NAV2: variants seen among roughly 807,000 people sequenced by gnomAD.
The protein encoded by NAV2 is neuron navigator 2.
NAV2 carries 54 observed loss-of-function variants against 223.2 expected under a neutral mutation model. The ratio of observed to expected loss-of-function variants is 0.24; its 90% CI spans 0.19 to 0.30. The LOEUF is 0.30. NAV2 is among the 10% of genes least tolerant of loss of function. NAV2 has a pLI of 1.00. For missense variants in NAV2, 2,806 were observed against 3,147.5 expected, an observed-to-expected ratio of 0.89 and a Z score of 2.60; for synonymous variants, 1,279 against 1,239.3, an observed-to-expected ratio of 1.03 and a Z score of -0.67.
At chr11:19,781,568 G>A (rs753796376) in intron 1 of NAV2, among the ~76,000 whole-genome samples, 28 of 152,008 alleles carry the variant, frequency 1.8e-4, no homozygotes, top group Non-Finnish European at 3.7e-4. Flanking sequence ...CCCCAGAGAG[G>A]CATTGGTCAA....
intron 6 of NAV2, among the ~76,000 whole-genome samples, chr11:19,931,367 T>C (rs2045319511): frequency 6.6e-6 from 1 of 152,156 alleles, no homozygotes; most frequent in Admixed American, 6.5e-5. Context: ...TATATGTGTT[T>C]TAAAACATTG....
chr11:20,114,423 C>T lies in NAV2; in HGVS notation c.6961-169C>T, dbSNP rs16905675. Reference sequence around the variant, plus strand: ...CATGCTGCCTTCAGCCTTAGCACCTCGAACTGTCTGCATCTTGGATGACTT... The same window carrying T: ...CATGCTGCCTTCAGCCTTAGCACCTTGAACTGTCTGCATCTTGGATGACTT... On this transcript the variant is annotated intron_variant, in intron 36 of 37. Transcript: ENST00000349880. The T allele has an allele frequency of 5.5e-3, 3,572 of 647,296 alleles. 87 individuals carry two copies. The African/African-American group carries it at 0.059, about 11-fold the overall frequency. The allele number at this position is 647,296 out of a possible 1,614,324, so 40.1% of individuals were successfully genotyped here.
chr11:19,734,521 C>T (rs1052572244), intron 1 of NAV2, among the ~76,000 whole-genome samples: 3 of 152,214 alleles, frequency 2.0e-5, no homozygotes, highest in Non-Finnish European at 4.4e-5. Context: ...TTCCTATTCA[C>T]CCTCAATCTG....
intron 4 of NAV2, 128 bp downstream of exon 4, chr11:19,869,125 A>G (rs1483068404): frequency 1.1e-6 from 1 of 887,652 alleles, no homozygotes; most frequent in Admixed American, 2.3e-5. Context: ...GTTTTCCTTT[A>G]TGTTGCTCAG....
intron 6 of NAV2, among the ~76,000 whole-genome samples, chr11:19,895,104 CTT>C (rs71050690): frequency 0.014 from 1,385 of 99,152 alleles, 7 homozygotes; most frequent in African/African-American, 0.053. Flanking sequence ...CTTTTTCTTT[CTT>C]TTTTTTTTTT....
intron 1 of NAV2, among the ~76,000 whole-genome samples, chr11:19,561,842 G>A (rs1003882668): frequency 1.3e-5 from 2 of 152,188 alleles, no homozygotes; most frequent in African/African-American, 2.4e-5. Flanking sequence ...GCTCAGTTAC[G>A]GTTGCCACTG....
At chr11:19,432,843 C>G (rs146548340) in intron 1 of NAV2, among the ~76,000 whole-genome samples, 6 of 152,284 alleles carry the variant, frequency 3.9e-5, no homozygotes, top group Admixed American at 6.5e-5. Context: ...TAACTCTTAC[C>G]GCAGCTGAGG....
At chr11:19,573,271 C>T (rs1365453793) in intron 1 of NAV2, among the ~76,000 whole-genome samples, 2 of 152,204 alleles carry the variant, frequency 1.3e-5, no homozygotes, top group South Asian at 2.1e-4. Flanking sequence ...CCTGCCCCTA[C>T]ACTTCATACC....
At chr11:19,767,312 C>A (rs2055313704) in intron 1 of NAV2, among the ~76,000 whole-genome samples, 1 of 152,180 alleles carries the variant, frequency 6.6e-6, no homozygotes, top group African/African-American at 2.4e-5. Context: ...TGTCAAACTT[C>A]ATCACAGCCC....
chr11:19,847,522 C>T (rs144450320), intron 3 of NAV2, among the ~76,000 whole-genome samples: 46 of 152,296 alleles, frequency 3.0e-4, no homozygotes, highest in African/African-American at 1.1e-3. Flanking sequence ...GCTTGGGGAC[C>T]AGCCAGGCCA....
Position 19,635,989 on chromosome 11 carries a change from T to C in NAV2, c.76-196495T>C, listed in dbSNP as rs75130255. Among the ~76,000 whole-genome samples the C allele has an allele frequency of 3.0e-3, 463 of 152,340 alleles. 4 individuals are homozygous for C. Among genetic ancestry groups the C allele is most frequent in the African/African-American group, 0.011 (443 of 41,590 alleles). The stretch of plus-strand genomic sequence containing the variant: ...AATTTGTATTGCAGTGAAGCTAGAA[T>C]AGCTTTTAGGTCCATGTCTAGTTCA... On this transcript the variant is annotated intron_variant, in intron 1 of 37. Coordinates refer to the NAV2 transcript ENST00000360655.
intron 11 of NAV2, among the ~76,000 whole-genome samples, chr11:20,019,053 A>G (rs1484049948): frequency 1.3e-5 from 2 of 152,212 alleles, no homozygotes; most frequent in East Asian, 3.9e-4. Context: ...ATTTTATTCT[A>G]AGTTCCCTGG....
intron 11 of NAV2, among the ~76,000 whole-genome samples, chr11:20,006,035 AG>A (rs2053038730): frequency 6.6e-6 from 1 of 151,944 alleles, no homozygotes; most frequent in African/African-American, 2.4e-5. Flanking sequence ...GGATCACCTG[AG>A]GTCAGGAGTT....
At chr11:19,619,517 T>C (rs944952649) in intron 1 of NAV2, among the ~76,000 whole-genome samples, 1 of 152,232 alleles carries the variant, frequency 6.6e-6, no homozygotes, top group Non-Finnish European at 1.5e-5. Flanking sequence ...CCAGTGATGA[T>C]GAGCATTTTT....
intron 1 of NAV2, among the ~76,000 whole-genome samples, chr11:19,731,711 C>G (rs1034350217): frequency 6.6e-6 from 1 of 152,270 alleles, no homozygotes; most frequent in East Asian, 1.9e-4. Flanking sequence ...GGGCATGGGC[C>G]GATCATTTAA....
At position 19,998,262 on chromosome 11, in the gene NAV2, T is replaced by C. The variant is rs1220976503; in HGVS notation, c.2768+14015T>C. On this transcript the variant is annotated intron_variant, in intron 11 of 37. Coordinates refer to ENST00000349880, the MANE Select transcript of NAV2 (RefSeq NM_145117.5). This position sits in a 1 kb window ranked among gnomAD's most constrained non-coding sequence, Gnocchi z 5.0. The stretch of plus-strand genomic sequence containing the variant: ...CTCTCTGTCTCTGTGTTTCTCCCTG[T>C]CTCTCTGCTTCTCTCTCTCCCTCTC... 6.6e-6 allele frequency among the ~76,000 whole-genome samples: 1 copy of C among 151,960 alleles called. No homozygotes were observed. Among genetic ancestry groups the C allele is most frequent in the Non-Finnish European group, 1.5e-5 (1 of 67,990 alleles).
At chr11:19,373,438 T>C (rs1017305181) in intron 1 of NAV2, among the ~76,000 whole-genome samples, 5 of 152,074 alleles carry the variant, frequency 3.3e-5, no homozygotes, top group African/African-American at 1.2e-4. Flanking sequence ...TGCCAACAAT[T>C]CCCACCTCAA....
chr11:19,917,769 C>A (rs1258072354), intron 6 of NAV2, among the ~76,000 whole-genome samples: 3 of 152,326 alleles, frequency 2.0e-5, no homozygotes, highest in South Asian at 4.1e-4. Flanking sequence ...CTCGCCACTA[C>A]CCCTGGCTAA....
intron 4 of NAV2, among the ~76,000 whole-genome samples, chr11:19,872,008 A>C (rs79416620): frequency 1.4e-3 from 219 of 152,176 alleles, no homozygotes; most frequent in African/African-American, 4.9e-3. Context: ...ATCTTCTTAT[A>C]TTTTTTGGAG....
Sources: allele counts gnomAD v4.1 joint callset (sites outside exome capture counted in the v4.1 genomes callset), GRCh38; gene constraint gnomAD v4.1.1; non-coding constraint Gnocchi (gnomAD v3.1); transcripts MANE v1.5; gene names NCBI Gene and HGNC (gene_info 2026-07-23, HGNC 2026-07-21).